The following UBE3C variants were observed in gnomAD, a reference collection of about 807,000 sequenced individuals.
The protein encoded by UBE3C is ubiquitin-protein ligase E3C.
In UBE3C, 42 loss-of-function variants were observed where a neutral mutation model predicts 129.4. The ratio of observed to expected loss-of-function variants is 0.32; its 90% CI spans 0.25 to 0.42. The LOEUF (loss-of-function observed/expected upper bound fraction) is 0.42, where lower values mean the gene tolerates loss of function less well. Ranked by LOEUF, UBE3C falls within the 10% of genes least tolerant of loss-of-function variation. The pLI, the probability that UBE3C is intolerant of heterozygous loss-of-function variation, is 1.00. For missense variants in UBE3C, 1,049 were observed against 1,319.1 expected, an observed-to-expected ratio of 0.80 and a Z score of 3.17; for synonymous variants, 510 against 492.4, an observed-to-expected ratio of 1.04 and a Z score of -0.47.
At chr7:157,223,205 G>C in intron 15 of UBE3C, 49 bp from the exon 16 acceptor site, 1 of 1,562,744 alleles carries the variant, frequency 6.4e-7, no homozygotes, top group African/African-American at 1.4e-5. Flanking sequence ...CAGTGGGAAT[G>C]CAGGGGAAAG....
intron 17 of UBE3C, among the ~76,000 whole-genome samples, chr7:157,227,437 G>A (rs28463479): frequency 0.12 from 18,003 of 152,040 alleles, 1,355 homozygotes; most frequent in African/African-American, 0.2. Context: ...AGTGGCTCAC[G>A]CCTGTAATCC....
chr7:157,243,780 G>A (rs1049341338), intron 18 of UBE3C, among the ~76,000 whole-genome samples: 29 of 152,274 alleles, frequency 1.9e-4, no homozygotes, highest in Admixed American at 1.2e-3. Context: ...CCCACAATCC[G>A]AAAACTCTTA....
intron 21 of UBE3C, among the ~76,000 whole-genome samples, chr7:157,255,530 C>G (rs1048054590): frequency 2.0e-5 from 3 of 152,142 alleles, no homozygotes; most frequent in African/African-American, 7.2e-5. Flanking sequence ...ATGATCGGGT[C>G]ATAAGTTTAA....
chr7:157,262,673 A>C (rs896145954), intron 22 of UBE3C, among the ~76,000 whole-genome samples: 10 of 152,084 alleles, frequency 6.6e-5, no homozygotes, highest in African/African-American at 2.4e-4. Flanking sequence ...CACCCACCTC[A>C]GCCTCCCAAA....
At chr7:157,161,722 C>T (rs530186421) in intron 1 of UBE3C, among the ~76,000 whole-genome samples, 10 of 152,088 alleles carry the variant, frequency 6.6e-5, no homozygotes, top group South Asian at 2.1e-4. Flanking sequence ...CCAAAGTGCT[C>T]GGATTATAGC....
intron 10 of UBE3C, chr7:157,189,009 G>A (rs766493499): frequency 3.5e-6 from 2 of 571,174 alleles, no homozygotes; most frequent in Non-Finnish European, 3.2e-6. Flanking sequence ...CGAGACAGAT[G>A]CGTACATGAA....
At chr7:157,147,376 T>G (rs899626951) in intron 1 of UBE3C, among the ~76,000 whole-genome samples, 2 of 152,242 alleles carry the variant, frequency 1.3e-5, no homozygotes, top group South Asian at 2.1e-4. Context: ...ACTAACCTTA[T>G]GTCCTGAAAT....
intron 1 of UBE3C, among the ~76,000 whole-genome samples, chr7:157,155,944 C>G (rs1465739757): frequency 1.3e-5 from 2 of 151,958 alleles, no homozygotes; most frequent in Non-Finnish European, 2.9e-5. Flanking sequence ...GTAACTGCTA[C>G]TAGGCATCCT....
At chr7:157,142,194 C>G (rs1015351223) in intron 1 of UBE3C, among the ~76,000 whole-genome samples, 3 of 152,132 alleles carry the variant, frequency 2.0e-5, no homozygotes, top group Non-Finnish European at 4.4e-5. Flanking sequence ...AAGTCCCTTC[C>G]CTTGTTGGAA....
chr7:157,177,792 C>A (rs1180432914), intron 5 of UBE3C, among the ~76,000 whole-genome samples: 2 of 152,280 alleles, frequency 1.3e-5, no homozygotes, highest in East Asian at 3.9e-4. Flanking sequence ...TAGACACACC[C>A]CACCCAGAAC....
intron 18 of UBE3C, among the ~76,000 whole-genome samples, chr7:157,242,432 T>G (rs1332950245): frequency 5.3e-5 from 8 of 152,108 alleles, no homozygotes; most frequent in African/African-American, 1.7e-4. Context: ...AAAGTAGAAT[T>G]TTGAAACTTG....
chr7:157,209,128 G>A (rs1196528811), intron 13 of UBE3C, among the ~76,000 whole-genome samples: 3 of 152,182 alleles, frequency 2.0e-5, no homozygotes, highest in Non-Finnish European at 4.4e-5. Context: ...AAGATGTCAA[G>A]CTAGACTTTA....
intron 2 of UBE3C, among the ~76,000 whole-genome samples, chr7:157,164,236 T>TG (rs1346232557): frequency 1.8e-4 from 27 of 152,252 alleles, no homozygotes; most frequent in African/African-American, 6.3e-4. Context: ...CATAGCTCAC[T>TG]GTAGCCTTGA....
At chr7:157,257,176 G>GTA in intron 22 of UBE3C, 132 bp downstream of exon 22, 1 of 1,271,670 alleles carries the variant, frequency 7.9e-7, no homozygotes, top group Non-Finnish European at 1.1e-6. Context: ...TTTTAATTAA[G>GTA]TACTGGTTAT....
At chr7:157,244,007 G>A (rs146863631) in intron 18 of UBE3C, among the ~76,000 whole-genome samples, 60 of 152,268 alleles carry the variant, frequency 3.9e-4, no homozygotes, top group South Asian at 8.3e-4. Flanking sequence ...CGAGGCGGGT[G>A]ATCACCTGAG....
At chr7:157,197,509 G>GC in intron 10 of UBE3C, 2 of 643,360 alleles carry the variant, frequency 3.1e-6, no homozygotes, top group Non-Finnish European at 4.6e-6. Context: ...AAAATAATTT[G>GC]TTTTTTTTTT....
At position 157,180,592 on chromosome 7, in the gene UBE3C, T is replaced by C. The variant is rs553755685; in HGVS notation, c.617-926T>C. On this transcript the variant is annotated intron_variant, in intron 6 of 22. Transcript: ENST00000348165. ...TTTAATGTGCTACCAAATACGCTTGTATATGATGAGATACTCAAAAATTGC... is the reference window on the plus strand; with the variant it reads ...TTTAATGTGCTACCAAATACGCTTGCATATGATGAGATACTCAAAAATTGC... 7.9e-5 allele frequency among the ~76,000 whole-genome samples: 12 copies of C among 152,358 alleles called. No individual in the cohort carries two copies. In the South Asian group the frequency reaches 2.5e-3, roughly 32 times the overall value.
chr7:157,139,250 C>T lies in UBE3C; in HGVS notation c.-23C>T, dbSNP rs1011912259. ...CGGCTGCTTCCGCGGCGGCGCTGCC[C>T]GCACATGGGCTAGGCTGCCAGGATG... On this transcript the variant is annotated 5_prime_UTR_variant, in exon 1 of 23. Transcript: ENST00000348165. 2 of 1,495,748 alleles carry T rather than the reference C, an allele frequency of 1.3e-6. No homozygotes were observed. Among genetic ancestry groups the T allele is most frequent in the African/African-American group, 2.9e-5 (2 of 69,652 alleles). The allele number at this position is 1,495,748 out of a possible 1,614,324, so 92.7% of individuals were successfully genotyped here.
At position 157,158,538 on chromosome 7, in the gene UBE3C, A is replaced by T. The variant is rs147303711; in HGVS notation, c.67-5272A>T. ...GCTGCCAAAGCTGTGATTAAAAGTG[A>T]TGATTAGTCACAAAGCAAATAAAAT... is the stretch of plus-strand genomic sequence containing the variant. On this transcript the variant is annotated intron_variant, in intron 1 of 22. Coordinates refer to ENST00000348165, the MANE Select transcript of UBE3C (RefSeq NM_014671.3). 9.2e-5 allele frequency among the ~76,000 whole-genome samples: 14 copies of T among 152,338 alleles called. No homozygotes were observed. In the East Asian group the frequency reaches 2.7e-3, roughly 29 times the overall value.
Sources: allele counts gnomAD v4.1 joint callset (sites outside exome capture counted in the v4.1 genomes callset), GRCh38; gene constraint gnomAD v4.1.1; transcripts MANE v1.5; gene names NCBI Gene and HGNC (gene_info 2026-07-23, HGNC 2026-07-21).